SLC38A1: variants seen among roughly 807,000 people sequenced by gnomAD.
SLC38A1 encodes sodium-coupled neutral amino acid symporter 1.
Under a neutral mutation model 60.3 loss-of-function variants are expected in SLC38A1, and 18 were observed. That is an observed-to-expected ratio of 0.30 (90% CI 0.21 to 0.44). The LOEUF is 0.44. SLC38A1 is among the 20% of genes least tolerant of loss of function. The probability of loss-of-function intolerance (pLI) is 1.00; values close to 1 mark genes in which losing one functional copy is unlikely to be tolerated. For missense variants in SLC38A1, 448 were observed against 587.2 expected (o/e 0.76, Z 2.45); for synonymous variants, 196 against 212.1 (o/e 0.92, Z 0.66).
Position 46,204,402 on chromosome 12 carries a change from A to G in SLC38A1, c.721T>C (p.Phe241Leu). 6.2e-7 allele frequency: 1 copy of G among 1,612,840 alleles called. No individual in the cohort carries two copies. The highest frequency in any genetic ancestry group is 8.5e-7 in the Non-Finnish European group (1 of 1,178,960). The change falls in exon 11 of 17, where the codon TTT (phenylalanine) becomes CTT (leucine). Residue 241 changes from phenylalanine (F) to leucine (L), a missense_variant. Coordinates refer to ENST00000398637, the MANE Select transcript of SLC38A1 (RefSeq NM_030674.4). ...TCTGGAACAATGCAGGGAATTTGAA[A>G]TTTCTTGTAAATAACCTGGTATTAA... The part of the protein sequence containing the change: ...FFLIVVIYKK[F>L]QIPCIVPELN...
chr12:46,212,537 C>T (rs958411660), intron 5 of SLC38A1, among the ~76,000 whole-genome samples: 8 of 152,108 alleles, frequency 5.3e-5, no homozygotes, highest in Non-Finnish European at 7.4e-5. Flanking sequence ...GTACATGGGT[C>T]ATGGGGAAGG....
intron 3 of SLC38A1, among the ~76,000 whole-genome samples, chr12:46,233,529 C>T (rs990352643): frequency 2.0e-5 from 3 of 152,060 alleles, no homozygotes; most frequent in African/African-American, 7.2e-5. Flanking sequence ...GGTAACACTC[C>T]CCTGGGTTGG....
At chr12:46,267,876 C>T (rs1456353184) in intron 1 of SLC38A1, among the ~76,000 whole-genome samples, 1 of 152,226 alleles carries the variant, frequency 6.6e-6, no homozygotes, top group African/African-American at 2.4e-5. Context: ...TTTAGAAAAT[C>T]CTCTTCAGGG....
At chr12:46,265,193 A>C (rs1194496029) in intron 1 of SLC38A1, among the ~76,000 whole-genome samples, 1 of 152,194 alleles carries the variant, frequency 6.6e-6, no homozygotes, top group Non-Finnish European at 1.5e-5. Flanking sequence ...CATCATTCCC[A>C]TTTAGCAAAA....
In SLC38A1 at chr12:46,225,057, A is replaced by AT. The variant is rs558364617; in HGVS notation, c.314+4095dup. ...TCTCCCTTGATATCCCAGTAAAAAGATTTTTTTTAAGGCGTAAAGCTGCTA... is the reference window on the plus strand; with the variant it reads ...TCTCCCTTGATATCCCAGTAAAAAGATTTTTTTTTAAGGCGTAAAGCTGCTA... On this transcript the variant is annotated intron_variant, in intron 5 of 16. Transcript: ENST00000398637. Among the ~76,000 whole-genome samples the AT allele has an allele frequency of 2.3e-4, 35 of 152,204 alleles. No individual in the cohort carries two copies. In the South Asian group the frequency reaches 5.4e-3, roughly 23 times the overall value.
rs1375112310 is a variant in SLC38A1 at position 46,184,564 on chromosome 12, G to A, written c.*4406C>T. 2 of 152,102 alleles carry A rather than the reference G, an allele frequency of 1.3e-5. No homozygotes were observed. The highest frequency in any genetic ancestry group is 1.3e-4 in the Admixed American group (2 of 15,282). The allele number at this position is 152,102 out of a possible 1,614,324, so 9.4% of individuals were successfully genotyped here. A position where few individuals can be genotyped will look rare whatever the true frequency, so the allele number is the denominator to read the frequency against. On this transcript the variant is annotated 3_prime_UTR_variant, in exon 17 of 17. Transcript: ENST00000398637. Reference sequence around the variant, plus strand: ...GACCTCCCCCCGACTCCAACTAAATGTGCCATAGTCCAACACTGTGCCTCA... The same window carrying A: ...GACCTCCCCCCGACTCCAACTAAATATGCCATAGTCCAACACTGTGCCTCA...
intron 7 of SLC38A1, 115 bp downstream of exon 7, chr12:46,207,414 C>T (rs989025241): frequency 1.7e-5 from 19 of 1,139,202 alleles, no homozygotes; most frequent in East Asian, 7.3e-5. Context: ...TTTACTTTCC[C>T]TGTGCCATTT....
At chr12:46,261,323 T>A (rs1005929572) in intron 1 of SLC38A1, among the ~76,000 whole-genome samples, 1 of 152,190 alleles carries the variant, frequency 6.6e-6, no homozygotes, top group Non-Finnish European at 1.5e-5. Flanking sequence ...TGTGATGAAT[T>A]CTTACAGCAG....
chr12:46,206,578 C>T (rs2137187860), intron 8 of SLC38A1, among the ~76,000 whole-genome samples: 1 of 152,282 alleles, frequency 6.6e-6, no homozygotes, highest in African/African-American at 2.4e-5. Flanking sequence ...TCTCCCTGAT[C>T]CCTTGGATTT....
At chr12:46,244,686 T>C (rs990546538) in intron 1 of SLC38A1, among the ~76,000 whole-genome samples, 5 of 152,232 alleles carry the variant, frequency 3.3e-5, no homozygotes, top group Admixed American at 6.5e-5. Context: ...GAGGCACAGA[T>C]AGCATTTAAC....
intron 13 of SLC38A1, among the ~76,000 whole-genome samples, chr12:46,199,300 T>A (rs1482060731): frequency 6.9e-6 from 1 of 144,252 alleles, no homozygotes; most frequent in African/African-American, 2.7e-5. Flanking sequence ...TTAGTTTATG[T>A]ACTACTTTGT....
chr12:46,238,343 A>T (rs1166264130), intron 3 of SLC38A1, among the ~76,000 whole-genome samples: 2 of 152,214 alleles, frequency 1.3e-5, no homozygotes, highest in African/African-American at 4.8e-5. Context: ...TAAAGGAGGA[A>T]AAAAGGAGAA....
At chr12:46,208,966 T>C (rs1940029448) in intron 6 of SLC38A1, 88 bp downstream of exon 6, 1 of 894,510 alleles carries the variant, frequency 1.1e-6, no homozygotes, top group East Asian at 2.5e-5. Flanking sequence ...ATCAAATTGC[T>C]GTACAGAGAG....
intron 3 of SLC38A1, among the ~76,000 whole-genome samples, chr12:46,231,802 G>A (rs1477620339): frequency 6.6e-6 from 1 of 152,108 alleles, no homozygotes; most frequent in Non-Finnish European, 1.5e-5. Flanking sequence ...ACCACGCCCA[G>A]CTAATTTTTG....
rs61275224 is a variant in SLC38A1, at chr12:46,204,041, C to T, written c.822+260G>A. Reference sequence around the variant, plus strand: ...TGTTAGTCTGTTTTTGAAGTATCACCTAGCACTCTACACAGAAAAAGCTGA... The same window carrying T: ...TGTTAGTCTGTTTTTGAAGTATCACTTAGCACTCTACACAGAAAAAGCTGA... On this transcript the variant is annotated intron_variant, in intron 11 of 16. Coordinates refer to ENST00000398637, the MANE Select transcript of SLC38A1 (RefSeq NM_030674.4). Among the ~76,000 whole-genome samples the T allele has an allele frequency of 3.2e-3, 485 of 152,288 alleles. 5 individuals are homozygous for T. The highest frequency in any genetic ancestry group is 0.01 in the African/African-American group (426 of 41,544).
intron 1 of SLC38A1, among the ~76,000 whole-genome samples, chr12:46,259,066 C>T (rs1363246291): frequency 6.6e-6 from 1 of 152,136 alleles, no homozygotes; most frequent in East Asian, 1.9e-4. Flanking sequence ...AAAGAAGTGA[C>T]CACGTGAGAT....
intron 16 of SLC38A1, among the ~76,000 whole-genome samples, chr12:46,193,329 C>T (rs560986740): frequency 3.7e-4 from 57 of 152,038 alleles, no homozygotes; most frequent in Non-Finnish European, 5.9e-4. Context: ...TTTACATTTG[C>T]GGAGGAGTGT....
intron 3 of SLC38A1, among the ~76,000 whole-genome samples, chr12:46,235,755 A>C (rs760015851): frequency 1.1e-4 from 17 of 152,244 alleles, no homozygotes; most frequent in Admixed American, 2.6e-4. Context: ...TTCAGGGTGT[A>C]GTGACAAGAG....
Position 46,187,846 on chromosome 12 carries a change from CTTAT to C in SLC38A1, c.*1120_*1123del, listed in dbSNP as rs1938991973. 1 of 146,792 alleles carries C rather than the reference CTTAT, an allele frequency of 6.8e-6. No homozygotes were observed. Among genetic ancestry groups the C allele is most frequent in the African/African-American group, 2.5e-5 (1 of 39,246 alleles). The allele number at this position is 146,792 out of a possible 1,614,324, so 9.1% of individuals were successfully genotyped here. A position where few individuals can be genotyped will look rare whatever the true frequency, so the allele number is the denominator to read the frequency against. ...TAATGAAGAAGAAATAGAAATGAGG[CTTAT>C]TTAAGGTACAAAATTCTTGTATTTG... On this transcript the variant is annotated 3_prime_UTR_variant, in exon 17 of 17. Transcript: ENST00000398637.
Sources: gnomAD v4.1 joint callset for allele counts (sites outside exome capture counted in the v4.1 genomes callset) on GRCh38, gnomAD v4.1.1 for gene constraint, MANE v1.5 for transcripts, NCBI Gene and HGNC (gene_info 2026-07-23, HGNC 2026-07-21) for gene names.